OPRM1: variants seen among roughly 807,000 people sequenced by gnomAD.
OPRM1 encodes the protein mu-type opioid receptor.
A neutral mutation model predicts 31.8 loss-of-function variants in OPRM1; 27 were observed. That is an observed-to-expected ratio of 0.85 (90% CI 0.63 to 1.17). OPRM1 has a LOEUF of 1.17. OPRM1 is among the 50% of genes most tolerant of loss of function. The pLI is 0.00. For synonymous variants in OPRM1, 196 were observed against 189.9 expected, an observed-to-expected ratio of 1.03 and a Z score of -0.26; for missense variants, 536 against 511.1, an observed-to-expected ratio of 1.05 and a Z score of -0.47.
intron 1 of OPRM1, among the ~76,000 whole-genome samples, chr6:154,054,196 C>A (rs12190566): frequency 0.017 from 2,527 of 151,624 alleles, 34 homozygotes; most frequent in Middle Eastern, 0.054. Flanking sequence ...GGTGAAACCC[C>A]GTCTCTACTA....
At chr6:154,242,967 G>A (rs1285601875) in intron 3 of OPRM1, among the ~76,000 whole-genome samples, 1 of 152,170 alleles carries the variant, frequency 6.6e-6, no homozygotes, top group African/African-American at 2.4e-5. Flanking sequence ...GAAGGTACGT[G>A]CCTCTAGAAG....
intron 3 of OPRM1, 57 bp from the exon 4 acceptor site, chr6:154,118,626 T>C: frequency 1.9e-6 from 3 of 1,546,334 alleles, no homozygotes; most frequent in Non-Finnish European, 2.7e-6. Flanking sequence ...GCTCAACAAA[T>C]GTGTGTTGCA....
intron 3 of OPRM1, among the ~76,000 whole-genome samples, chr6:154,106,908 T>C (rs653107): frequency 0.89 from 135,231 of 152,214 alleles, 60,222 homozygotes; most frequent in East Asian, 0.98. Flanking sequence ...ATTTTTAAGA[T>C]GTTTTATTTT....
chr6:154,193,924 G>A (rs919522840), intron 3 of OPRM1, among the ~76,000 whole-genome samples: 1 of 151,788 alleles, frequency 6.6e-6, no homozygotes, highest in East Asian at 1.9e-4. Context: ...TAGTAGCATA[G>A]TATTAAAAGG....
rs1562498602 is a variant in OPRM1 at position 154,129,856 on chromosome 6, A to AG, written c.*11135_*11136insG. Among the ~76,000 whole-genome samples the AG allele has an allele frequency of 1.2e-4, 11 of 91,634 alleles. No individual in the cohort carries two copies. The highest frequency in any genetic ancestry group is 2.8e-4 in the African/African-American group (9 of 31,710). The allele number at this position is 91,634 out of a possible 152,430, so 60.1% of individuals were successfully genotyped here. On this transcript the variant is annotated 3_prime_UTR_variant, in exon 4 of 4. Transcript: ENST00000330432. The stretch of plus-strand genomic sequence containing the variant: ...CACCGACACCCTCCCCCCCCAGCAC[A>AG]CACACACACACACACACACACACAC...
chr6:154,075,041 T>C (rs989469986), intron 1 of OPRM1, among the ~76,000 whole-genome samples: 1 of 152,122 alleles, frequency 6.6e-6, no homozygotes, highest in African/African-American at 2.4e-5. Flanking sequence ...CTTGCCACAT[T>C]TTAATAAAAT....
In OPRM1 at chr6:154,201,953, G is replaced by C. The variant is rs528020608; in HGVS notation, c.1165-44740G>C. Among the ~76,000 whole-genome samples, 11 of 152,266 alleles carry C rather than the reference G, an allele frequency of 7.2e-5. No individual in the cohort carries two copies. The South Asian group carries it at 2.3e-3, about 32-fold the overall frequency. ...GTGTCAGGAAGGTTGACAGAGAGAGGAAGCCAAAGAGCAAACTAGGATCTT... is the reference window on the plus strand; with the variant it reads ...GTGTCAGGAAGGTTGACAGAGAGAGCAAGCCAAAGAGCAAACTAGGATCTT... On this transcript the variant is annotated intron_variant, in intron 3 of 3. Transcript: ENST00000337049.
chr6:154,232,099 T>G (rs941021917), intron 3 of OPRM1, among the ~76,000 whole-genome samples: 4 of 152,108 alleles, frequency 2.6e-5, no homozygotes, highest in African/African-American at 4.8e-5. Flanking sequence ...AAAGCTCCCC[T>G]CCTTCTCTCC....
intron 3 of OPRM1, 21 bp downstream of exon 3, chr6:154,091,493 G>A (rs529479862): frequency 1.3e-6 from 2 of 1,596,120 alleles, no homozygotes; most frequent in Admixed American, 1.7e-5. Context: ...TCTAGAATTA[G>A]GTATATCTAC....
At chr6:154,071,815 C>T (rs746234069) in intron 1 of OPRM1, among the ~76,000 whole-genome samples, 79 of 152,252 alleles carry the variant, frequency 5.2e-4, no homozygotes, top group Admixed American at 2.2e-3. Context: ...TAATGTTAAC[C>T]AGGAAAGGGA....
chr6:154,016,932 G>A (rs1778037080), intron 1 of OPRM1, among the ~76,000 whole-genome samples: 1 of 152,178 alleles, frequency 6.6e-6, no homozygotes, highest in Non-Finnish European at 1.5e-5. Flanking sequence ...AATGGTTACT[G>A]ATTGTATCCA....
intron 3 of OPRM1, among the ~76,000 whole-genome samples, chr6:154,097,178 G>T (rs758178857): frequency 1.3e-5 from 2 of 152,170 alleles, no homozygotes; most frequent in Non-Finnish European, 2.9e-5. Flanking sequence ...GAACGTCGTG[G>T]CATGTCCTGC....
chr6:154,085,907 A>G (rs1448150965), intron 1 of OPRM1, among the ~76,000 whole-genome samples: 3 of 65,426 alleles, frequency 4.6e-5, no homozygotes, highest in East Asian at 2.9e-4. Context: ...TTTTTTTTTG[A>G]GACAGTGTCT....
chr6:154,232,821 T>C (rs1165504626), intron 3 of OPRM1, among the ~76,000 whole-genome samples: 2 of 152,038 alleles, frequency 1.3e-5, no homozygotes, highest in Admixed American at 1.3e-4. Flanking sequence ...AACATAGATG[T>C]GTGTAATAAT....
intron 1 of OPRM1, among the ~76,000 whole-genome samples, chr6:154,049,226 AGC>A (rs1463054156): frequency 6.6e-6 from 1 of 152,240 alleles, no homozygotes; most frequent in Non-Finnish European, 1.5e-5. Flanking sequence ...AGGGACACTA[AGC>A]AGAACTTCCA....
At chr6:154,097,469 A>C (rs1793588283) in intron 3 of OPRM1, among the ~76,000 whole-genome samples, 2 of 152,182 alleles carry the variant, frequency 1.3e-5, no homozygotes, top group South Asian at 4.1e-4. Context: ...ATGGGAAAAA[A>C]AACTCAAATG....
chr6:154,142,006 G>C (rs1798225646), intron 3 of OPRM1, among the ~76,000 whole-genome samples: 1 of 152,146 alleles, frequency 6.6e-6, no homozygotes, highest in South Asian at 2.1e-4. Context: ...CTGTGGTACT[G>C]GTATCATCTT....
At chr6:154,223,124 A>G (rs774526726) in intron 3 of OPRM1, 1 of 1,377,506 alleles carries the variant, frequency 7.3e-7, no homozygotes, top group East Asian at 2.3e-5. Flanking sequence ...TTATGAAGAG[A>G]TAGTATCCTG....
At chr6:154,135,999 T>C (rs990444777), downstream of OPRM1, among the ~76,000 whole-genome samples, 6 of 152,222 alleles carry the variant, frequency 3.9e-5, no homozygotes, top group Non-Finnish European at 8.8e-5. Context: ...AGTATTTTTA[T>C]CATTTTGACT....
Sources: gnomAD v4.1 joint callset for allele counts (sites outside exome capture counted in the v4.1 genomes callset) on GRCh38, gnomAD v4.1.1 for gene constraint, MANE v1.5 for transcripts, NCBI Gene and HGNC (gene_info 2026-07-23, HGNC 2026-07-21) for gene names.